The following AZIN2 variants were observed in gnomAD, a reference collection of about 807,000 sequenced individuals.
AZIN2 encodes antizyme inhibitor 2.
AZIN2 carries 28 observed loss-of-function variants against 47.8 expected under a neutral mutation model. The ratio of observed to expected loss-of-function variants is 0.59; its 90% CI spans 0.43 to 0.80. The LOEUF (loss-of-function observed/expected upper bound fraction) is 0.80. Among genes scored for constraint, AZIN2 ranks in the 30% least tolerant of loss-of-function variants. The pLI is 0.00. For synonymous variants in AZIN2, 221 were observed against 239.4 expected (o/e 0.92, Z 0.71); for missense variants, 535 against 582.5 (o/e 0.92, Z 0.84).
rs543296417 is a variant in AZIN2 at position 33,120,303 on chromosome 1, C to T, written c.*121C>T. On this transcript the variant is annotated 3_prime_UTR_variant, in exon 12 of 12. Transcript: ENST00000294517. ...ACTCTGGTGCCCACCCTGCCACCCCCGCGCTCCACCTGCAGTGTTTCTGCC... is the reference window on the plus strand; with the variant it reads ...ACTCTGGTGCCCACCCTGCCACCCCTGCGCTCCACCTGCAGTGTTTCTGCC... 5.3e-5 allele frequency: 72 copies of T among 1,362,776 alleles called. No individual in the cohort carries two copies. The East Asian group carries it at 6.3e-4, about 12-fold the overall frequency. 84.4% of individuals were successfully genotyped at this position (1,362,776 alleles called of 1,614,324 possible). A position where few individuals can be genotyped will look rare whatever the true frequency, so the allele number is the denominator to read the frequency against.
At position 33,120,105 on chromosome 1, in the gene AZIN2, A is replaced by G. The variant is rs752154235; in HGVS notation, c.1306A>G (p.Lys436Glu). ...GGAGGATGACGTGGAGGGTGTGTGCAAGCCTCTGTCCTGCGGCTGGGAGAT... is the reference window on the plus strand; with the variant it reads ...GGAGGATGACGTGGAGGGTGTGTGCGAGCCTCTGTCCTGCGGCTGGGAGAT... ...EQEDDVEGVC[K>E]PLSCGWEITD... The change falls in exon 12 of 12, where the codon AAG (lysine) becomes GAG (glutamate). Residue 436 changes from lysine (K) to glutamate (E), a missense_variant. By Grantham distance (56) the Lys-to-Glu change is moderately conservative (BLOSUM62 1). This residue lies in a region of AZIN2 where 122 missense variants were observed against 135.8 expected (regional missense o/e 0.90). Coordinates refer to ENST00000294517, the MANE Select transcript of AZIN2 (RefSeq NM_052998.4). The G allele has an allele frequency of 1.9e-5, 30 of 1,613,896 alleles. No individual in the cohort carries two copies. The highest frequency in any genetic ancestry group is 2.5e-5 in the Non-Finnish European group (29 of 1,179,936).
Position 33,118,092 on chromosome 1 carries a change from C to T in AZIN2, c.1220C>T (p.Thr407Ile). 1 of 1,514,864 alleles carries T rather than the reference C, an allele frequency of 6.6e-7. No individual in the cohort carries two copies. The highest frequency in any genetic ancestry group is 1.3e-5 in the South Asian group (1 of 74,826). 93.8% of individuals were successfully genotyped at this position (1,514,864 alleles called of 1,614,324 possible). The change falls in exon 11 of 12, where the codon ACC becomes ATC. Residue 407 changes from threonine (T) to isoleucine (I), a missense_variant. Thr to Ile is a moderately conservative substitution (Grantham distance 89). This residue lies in a region of AZIN2 where 122 missense variants were observed against 135.8 expected (regional missense o/e 0.90). Transcript: ENST00000294517. ...PFWGTQACHITYAMSRVAWEA... is the reference protein window; with the variant it reads ...PFWGTQACHIIYAMSRVAWEA... ...TGGGGGACCCAGGCCTGCCACATCACCTATGCCATGTCCCGGGTGGCCTGG... is the reference window on the plus strand; with the variant it reads ...TGGGGGACCCAGGCCTGCCACATCATCTATGCCATGTCCCGGGTGGCCTGG...
chr1:33,082,563 C>T (rs1253893615), intron 4 of AZIN2: 2 of 491,732 alleles, frequency 4.1e-6, no homozygotes, highest in African/African-American at 4.0e-5. Context: ...CCCAGCCCTC[C>T]AAGGTCAGAA....
chr1:33,085,217 A>G (rs1641749887), intron 5 of AZIN2, among the ~76,000 whole-genome samples: 1 of 150,428 alleles, frequency 6.6e-6, no homozygotes, highest in Admixed American at 6.6e-5. Context: ...CCCTTCCTTC[A>G]TGGAGCTTGT....
the AZIN2 span, among the ~76,000 whole-genome samples, chr1:33,156,240 T>C: frequency 6.6e-6 from 1 of 152,162 alleles, no homozygotes; most frequent in Non-Finnish European, 1.5e-5. Flanking sequence ...TCTTCTATCA[T>C]AAAAAACAGC....
Position 33,094,483 on chromosome 1 carries a change from G to T in AZIN2, c.588-65G>T, listed in dbSNP as rs116505432. ...ATGTGCCTGCCCAATGTCATTCTTG[G>T]CTGGGGCTCAGGTGGTGGCACTTGG... On this transcript the variant is annotated intron_variant, in intron 7 of 11. Transcript: ENST00000294517. 12,813 of 1,521,804 alleles carry T rather than the reference G, an allele frequency of 8.4e-3. 76 individuals carry two copies. Among genetic ancestry groups the T allele is most frequent in the Middle Eastern group, 0.014 (80 of 5,716 alleles). The allele number at this position is 1,521,804 out of a possible 1,614,324, so 94.3% of individuals were successfully genotyped here.
At chr1:33,166,546 G>C in the AZIN2 span, among the ~76,000 whole-genome samples, 8 of 152,034 alleles carry the variant, frequency 5.3e-5, no homozygotes, top group African/African-American at 1.9e-4. Context: ...TAACCCTAAG[G>C]GAGGCACAAT....
the AZIN2 span, among the ~76,000 whole-genome samples, chr1:33,144,095 C>G: frequency 6.6e-6 from 1 of 151,644 alleles, no homozygotes; most frequent in Admixed American, 6.6e-5. Flanking sequence ...CACACTCTTA[C>G]ATGCAAACGT....
intron 10 of AZIN2, among the ~76,000 whole-genome samples, 188 bp from the exon 11 acceptor site, chr1:33,117,714 A>G (rs190419985): frequency 1.2e-4 from 18 of 152,350 alleles, no homozygotes; most frequent in Admixed American, 1.2e-3. Flanking sequence ...AAGGCCAGGC[A>G]TTCGTGACTT....
At chr1:33,083,609 T>A (rs954817041) in intron 4 of AZIN2, 1 of 367,020 alleles carries the variant, frequency 2.7e-6, no homozygotes, top group Non-Finnish European at 5.2e-6. Context: ...TTGGGGAAGG[T>A]GGCATTTGAG....
chr1:33,094,639 G>T lies in AZIN2; in HGVS notation c.679G>T (p.Gly227Cys). The T allele has an allele frequency of 6.2e-7, 1 of 1,614,172 alleles. No individual in the cohort carries two copies. Among genetic ancestry groups the T allele is most frequent in the Non-Finnish European group, 8.5e-7 (1 of 1,180,036 alleles). Reference sequence around the variant, plus strand: ...CGTGTTTGAAATGGGCACCGAGCTGGGTCACAAGATGCACGTTCTGGACCT... The same window carrying T: ...CGTGTTTGAAATGGGCACCGAGCTGTGTCACAAGATGCACGTTCTGGACCT... ...RLVFEMGTEL[G>C]HKMHVLDLGG... is the part of the protein sequence containing the mutation. The change falls in exon 8 of 12, where the codon GGT (glycine) becomes TGT (cysteine). Residue 227 changes from glycine to cysteine, a missense_variant. This residue lies in a region of AZIN2 where 409 missense variants were observed against 429.0 expected (regional missense o/e 0.95). Transcript: ENST00000294517.
At chr1:33,155,653 C>T in the AZIN2 span, among the ~76,000 whole-genome samples, 5 of 152,306 alleles carry the variant, frequency 3.3e-5, no homozygotes, top group African/African-American at 1.2e-4. Flanking sequence ...TTCCTAACAG[C>T]TCTGTGCCTC....
At chr1:33,133,137 T>C in the AZIN2 span, among the ~76,000 whole-genome samples, 3 of 152,034 alleles carry the variant, frequency 2.0e-5, no homozygotes, top group African/African-American at 7.2e-5. Flanking sequence ...CACTTACAGT[T>C]ACAGTTACAG....
rs1644358803 is a variant in AZIN2, at chr1:33,113,059, C to G, written c.1030-4843C>G. ...TGCAATATCAGCTCACTGCAACCTC[C>G]ACCTCCCAGGCTCAAGCGATTCTCT... On this transcript the variant is annotated intron_variant, in intron 10 of 11. Transcript: ENST00000294517. The surrounding 1 kb of genome is among the most constrained non-coding windows in gnomAD (Gnocchi z 4.1). 6.6e-6 allele frequency among the ~76,000 whole-genome samples: 1 copy of G among 152,090 alleles called. No homozygotes were observed. The highest frequency in any genetic ancestry group is 1.5e-5 in the Non-Finnish European group (1 of 68,018).
intron 10 of AZIN2, among the ~76,000 whole-genome samples, chr1:33,101,097 A>T (rs1335630184): frequency 6.6e-6 from 1 of 152,142 alleles, no homozygotes; most frequent in Non-Finnish European, 1.5e-5. Context: ...CCTGACCTCA[A>T]GTGATCCATC....
intron 10 of AZIN2, among the ~76,000 whole-genome samples, chr1:33,114,388 C>T (rs1412428943): frequency 3.6e-5 from 5 of 139,388 alleles, no homozygotes; most frequent in South Asian, 2.3e-4. Flanking sequence ...GAGTCCCGCT[C>T]TGTCGCCCAG....
Position 33,093,296 on chromosome 1 carries a change from T to A in AZIN2, c.467T>A (p.Ile156Asn). 2 of 1,613,994 alleles carry A rather than the reference T, an allele frequency of 1.2e-6. No individual in the cohort carries two copies. Among genetic ancestry groups the A allele is most frequent in the Non-Finnish European group, 1.7e-6 (2 of 1,179,970 alleles). ...TGTCTCATCAGGATGGTTCTGTGCATTGCTACCGATGACTCCCACTCCCTG... is the reference window on the plus strand; with the variant it reads ...TGTCTCATCAGGATGGTTCTGTGCAATGCTACCGATGACTCCCACTCCCTG... ...SHPSAKMVLC[I>N]ATDDSHSLSC... The change falls in exon 7 of 12, where the codon ATT becomes AAT. Residue 156 changes from isoleucine (I) to asparagine (N), a missense_variant. By Grantham distance (149) the Ile-to-Asn change is moderately radical. Around this residue, in one of 3 missense-constraint regions of AZIN2, gnomAD observed 409 missense variants for 429.0 expected, o/e 0.95. Transcript: ENST00000294517.
At chr1:33,148,572 AG>A in the AZIN2 span, among the ~76,000 whole-genome samples, 1 of 152,176 alleles carries the variant, frequency 6.6e-6, no homozygotes, top group Non-Finnish European at 1.5e-5. Context: ...TAGGTTTTCT[AG>A]TGTGATTGTG....
At chr1:33,107,700 C>T (rs1644083790) in intron 10 of AZIN2, among the ~76,000 whole-genome samples, 1 of 152,096 alleles carries the variant, frequency 6.6e-6, no homozygotes, top group African/African-American at 2.4e-5. Context: ...TATATGCTAA[C>T]TATCTGAAAA....
Sources: gnomAD v4.1 joint callset for allele counts (sites outside exome capture counted in the v4.1 genomes callset) on GRCh38, gnomAD v4.1.1 for gene constraint, gnomAD v4.1.1 regional missense constraint, Gnocchi (gnomAD v3.1) non-coding constraint, MANE v1.5 for transcripts, NCBI Gene and HGNC (gene_info 2026-07-23, HGNC 2026-07-21) for gene names.